PLCE1: variants seen among roughly 807,000 people sequenced by gnomAD.
PLCE1 encodes 1-phosphatidylinositol 4,5-bisphosphate phosphodiesterase epsilon-1.
In PLCE1, 119 loss-of-function variants were observed where a neutral mutation model predicts 242.8. The ratio of observed to expected loss-of-function variants is 0.49; its 90% CI spans 0.42 to 0.57. The LOEUF (loss-of-function observed/expected upper bound fraction) is 0.57, where lower values mean the gene tolerates loss of function less well. Among genes scored for constraint, PLCE1 ranks in the 20% least tolerant of loss-of-function variants. The pLI is 0.00. For missense variants in PLCE1, 2,441 were observed against 2,788.8 expected (o/e 0.88, Z 2.81); for synonymous variants, 945 against 1,017.4 (o/e 0.93, Z 1.35).
At chr10:94,245,209 A>C (rs571396460) in intron 7 of PLCE1, among the ~76,000 whole-genome samples, 98 of 152,294 alleles carry the variant, frequency 6.4e-4, no homozygotes, top group South Asian at 2.1e-3. Flanking sequence ...GAGAGGGGTT[A>C]CCTTGAACAA....
In PLCE1 at chr10:94,254,953, C is replaced by A. The variant is rs745747725; in HGVS notation, c.3458C>A (p.Thr1153Asn). The change falls in exon 11 of 33, where the codon ACC becomes AAC. Residue 1153 changes from threonine (T) to asparagine (N), a missense_variant. Transcript: ENST00000371380. ...CCTTCCAGAAGAGCCCACTCTTTGA[C>A]CACAGCTGGGTCCCCCAACTTGGCT... ...PLPSRRAHSL[T>N]TAGSPNLAAG... 85 of 1,613,934 alleles carry A rather than the reference C, an allele frequency of 5.3e-5. No individual in the cohort carries two copies. Among genetic ancestry groups the A allele is most frequent in the Admixed American group, 6.7e-5 (4 of 60,000 alleles).
chr10:94,003,885 T>A (rs2060983087), intron 1 of PLCE1, among the ~76,000 whole-genome samples: 2 of 152,172 alleles, frequency 1.3e-5, no homozygotes. Flanking sequence ...CAGTGGCTCA[T>A]GCCTGTAATC....
At chr10:94,263,582 C>G (rs1348557700) in intron 14 of PLCE1, among the ~76,000 whole-genome samples, 1 of 150,420 alleles carries the variant, frequency 6.6e-6, no homozygotes, top group Non-Finnish European at 1.5e-5. Flanking sequence ...ATCCCAGCTA[C>G]CTGGGAGGCT....
At chr10:94,083,022 T>C (rs1417143507) in intron 2 of PLCE1, among the ~76,000 whole-genome samples, 1 of 152,198 alleles carries the variant, frequency 6.6e-6, no homozygotes, top group Non-Finnish European at 1.5e-5. Flanking sequence ...ATATTTAAGG[T>C]GAACATAGTT....
At chr10:94,316,867 A>G in intron 29 of PLCE1, 111 bp downstream of exon 29, 1 of 770,960 alleles carries the variant, frequency 1.3e-6, no homozygotes, top group Non-Finnish European at 2.3e-6. Context: ...AACTTGGTTT[A>G]TATTCTTCTT....
chr10:94,211,053 C>T (rs1248276691), intron 4 of PLCE1, among the ~76,000 whole-genome samples: 1 of 152,246 alleles, frequency 6.6e-6, no homozygotes, highest in Non-Finnish European at 1.5e-5. Flanking sequence ...ACCTCTTGGA[C>T]TCCGTTCAGC....
intron 3 of PLCE1, among the ~76,000 whole-genome samples, chr10:94,137,447 A>G (rs1185989207): frequency 1.3e-5 from 2 of 151,754 alleles, no homozygotes; most frequent in Admixed American, 6.6e-5. Context: ...AATGTGAAGT[A>G]CTAAAAATGG....
At chr10:94,007,778 TACACAC>T (rs1262087418) in intron 1 of PLCE1, among the ~76,000 whole-genome samples, 58 of 150,142 alleles carry the variant, frequency 3.9e-4, no homozygotes, top group African/African-American at 1.4e-3. Context: ...TTTACATAGT[TACACAC>T]ATGCACATGC....
In PLCE1 at chr10:94,319,265, A is replaced by G. The variant is rs181508874; in HGVS notation, c.6342+2509A>G. Among the ~76,000 whole-genome samples the G allele has an allele frequency of 1.3e-3, 194 of 152,334 alleles. 7 individuals carry two copies. In the East Asian group the frequency reaches 0.029, roughly 23 times the overall value. On this transcript the variant is annotated intron_variant, in intron 29 of 32. Coordinates refer to ENST00000371380, the MANE Select transcript of PLCE1 (RefSeq NM_016341.4). Reference sequence around the variant, plus strand: ...TGAAATATATCTCAAAAGATAACTAAATTTAGTGTATCTAGGTTTACCTGG... The same window carrying G: ...TGAAATATATCTCAAAAGATAACTAGATTTAGTGTATCTAGGTTTACCTGG...
chr10:94,298,290 C>T lies in PLCE1; in HGVS notation c.5168-89C>T, dbSNP rs1332733520. Reference sequence around the variant, plus strand: ...TTCTGATGTGGTTTATATGCTATGACTGTTTACTGGGATGTTGTTCAGGTT... The same window carrying T: ...TTCTGATGTGGTTTATATGCTATGATTGTTTACTGGGATGTTGTTCAGGTT... On this transcript the variant is annotated intron_variant, in intron 23 of 32. Transcript: ENST00000371380. The surrounding 1 kb of genome is among the most constrained non-coding windows in gnomAD (Gnocchi z 5.2). The T allele has an allele frequency of 5.9e-6, 7 of 1,183,896 alleles. No homozygotes were observed. The highest frequency in any genetic ancestry group is 8.8e-6 in the Non-Finnish European group (7 of 796,008). 73.3% of individuals were successfully genotyped at this position (1,183,896 alleles called of 1,614,324 possible).
At chr10:94,268,617 T>G (rs1040217930) in intron 16 of PLCE1, among the ~76,000 whole-genome samples, 13 of 152,228 alleles carry the variant, frequency 8.5e-5, no homozygotes, top group Non-Finnish European at 1.9e-4. Flanking sequence ...GGCTCTCTAA[T>G]TTGAAGACGT....
chr10:94,185,008 A>T (rs2048429569), intron 4 of PLCE1, among the ~76,000 whole-genome samples: 1 of 152,234 alleles, frequency 6.6e-6, no homozygotes, highest in Non-Finnish European at 1.5e-5. Flanking sequence ...ACTGTTAGAA[A>T]TACAAAGAAA....
intron 2 of PLCE1, among the ~76,000 whole-genome samples, chr10:94,117,597 A>G (rs1371293691): frequency 6.6e-6 from 1 of 152,234 alleles, no homozygotes; most frequent in East Asian, 1.9e-4. Context: ...TTCCACCTGT[A>G]TACAATACAA....
intron 19 of PLCE1, among the ~76,000 whole-genome samples, chr10:94,278,286 G>A (rs7081879): frequency 0.27 from 41,529 of 151,890 alleles, 5,756 homozygotes; most frequent in Middle Eastern, 0.38. Flanking sequence ...AATATAAATG[G>A]AAAAAAATTA....
intron 2 of PLCE1, among the ~76,000 whole-genome samples, chr10:94,035,225 T>G (rs914985905): frequency 6.6e-6 from 1 of 152,208 alleles, no homozygotes; most frequent in Non-Finnish European, 1.5e-5. Flanking sequence ...AATTTAAATA[T>G]AGCAAAGTGA....
chr10:94,296,013 A>G (rs1188190396), intron 23 of PLCE1, among the ~76,000 whole-genome samples: 1 of 152,164 alleles, frequency 6.6e-6, no homozygotes, highest in East Asian at 1.9e-4. Flanking sequence ...TTCTCTAGCT[A>G]TGAAAGTCCT....
At chr10:94,313,106 A>G (rs2053440109) in intron 27 of PLCE1, 148 bp from the exon 28 acceptor site, 1 of 831,750 alleles carries the variant, frequency 1.2e-6, no homozygotes, top group African/African-American at 1.7e-5. Flanking sequence ...AAGAGGTACC[A>G]TTTGTAGCAC....
At chr10:94,283,513 A>C (rs1169974036) in intron 20 of PLCE1, 1 of 350,492 alleles carries the variant, frequency 2.9e-6, no homozygotes, top group African/African-American at 2.1e-5. Flanking sequence ...ATCTTCATTT[A>C]GATTATGTCT....
intron 4 of PLCE1, among the ~76,000 whole-genome samples, chr10:94,196,236 C>CA (rs2048817101): frequency 6.6e-6 from 1 of 152,174 alleles, no homozygotes; most frequent in Non-Finnish European, 1.5e-5. Flanking sequence ...ACTCTGGGCT[C>CA]AGGGGCTTGC....
Sources: allele counts gnomAD v4.1 joint callset (sites outside exome capture counted in the v4.1 genomes callset), GRCh38; gene constraint gnomAD v4.1.1; non-coding constraint Gnocchi (gnomAD v3.1); transcripts MANE v1.5; gene names NCBI Gene and HGNC (gene_info 2026-07-23, HGNC 2026-07-21).